Variants in DAB1 observed in about 807,000 individuals in gnomAD.
DAB1 encodes the protein DAB adaptor protein 1, also known as disabled homolog 1.
A neutral mutation model predicts 64.6 loss-of-function variants in DAB1; 15 were observed. That is an observed-to-expected ratio of 0.23 (90% confidence interval 0.16 to 0.36). DAB1 has a LOEUF of 0.36. Ranked by LOEUF, DAB1 falls within the 10% of genes least tolerant of loss-of-function variation. DAB1 has a pLI of 1.00. For missense variants in DAB1, 596 were observed against 706.7 expected (o/e 0.84, Z 1.78); for synonymous variants, 235 against 251.9 (o/e 0.93, Z 0.64).
intron 3 of DAB1, among the ~76,000 whole-genome samples, chr1:58,504,981 G>A (rs889052201): frequency 2.0e-5 from 3 of 151,442 alleles, no homozygotes; most frequent in South Asian, 2.1e-4. Flanking sequence ...TTGAGACAGA[G>A]TCTCACCCTG....
At chr1:57,302,912 C>T (rs940626474) in intron 1 of DAB1, among the ~76,000 whole-genome samples, 2 of 152,172 alleles carry the variant, frequency 1.3e-5, no homozygotes, top group Non-Finnish European at 2.9e-5. Flanking sequence ...CTCCCCCAAG[C>T]CTGAATTTGT....
chr1:57,407,005 G>C (rs1362920548), intron 1 of DAB1, among the ~76,000 whole-genome samples: 1 of 152,168 alleles, frequency 6.6e-6, no homozygotes, highest in South Asian at 2.1e-4. Context: ...GGAGTTTTCT[G>C]TAAGTTATGG....
intron 1 of DAB1, among the ~76,000 whole-genome samples, chr1:57,833,589 G>C (rs941785165): frequency 7.9e-5 from 12 of 152,160 alleles, no homozygotes; most frequent in Admixed American, 2.6e-4. Flanking sequence ...GCAAGATGTA[G>C]AGTTGAATAA....
chr1:58,490,421 T>A (rs912196826), intron 3 of DAB1, among the ~76,000 whole-genome samples: 1 of 152,170 alleles, frequency 6.6e-6, no homozygotes, highest in South Asian at 2.1e-4. Flanking sequence ...GAACAAAGCC[T>A]CCAAGAAATA....
rs150251489 is a variant in DAB1 at position 57,708,787 on chromosome 1, G to A, written n.552-59122C>T. Among the ~76,000 whole-genome samples, 413 of 152,174 alleles carry A rather than the reference G, an allele frequency of 2.7e-3. 2 individuals carry two copies. The highest frequency in any genetic ancestry group is 9.3e-3 in the African/African-American group (387 of 41,528). ...AGCACAGATTTTCTCTCCATGCTCT[G>A]CTGCTTGGGTTTGAGGGAGGGATGG... is the stretch of plus-strand genomic sequence containing the variant. On this transcript the variant is annotated intron_variant and non_coding_transcript_variant, in intron 6 of 20. Transcript: ENST00000485760.
Position 57,706,197 on chromosome 1 carries a change from T to A in DAB1, n.552-56532A>T, listed in dbSNP as rs548960733. On this transcript the variant is annotated intron_variant and non_coding_transcript_variant, in intron 6 of 20. Transcript: ENST00000485760. ...GGACTGAATAAATAAATCCATTTTT[T>A]AAAAAATCATGTTTGTTAATATTTA... Among the ~76,000 whole-genome samples the A allele has an allele frequency of 2.0e-4, 31 of 152,234 alleles. No homozygotes were observed. The South Asian group carries it at 2.9e-3, about 14-fold the overall frequency.
At chr1:57,415,179 G>C (rs1684395010) in intron 1 of DAB1, among the ~76,000 whole-genome samples, 1 of 151,584 alleles carries the variant, frequency 6.6e-6, no homozygotes, top group Non-Finnish European at 1.5e-5. Flanking sequence ...CTTAGAAATT[G>C]ACTCTAAGTT....
At chr1:58,208,350 A>T (rs998546506) in intron 4 of DAB1, among the ~76,000 whole-genome samples, 14 of 152,240 alleles carry the variant, frequency 9.2e-5, no homozygotes, top group African/African-American at 2.9e-4. Flanking sequence ...TTACATGGAC[A>T]AGTTCTTTAG....
intron 5 of DAB1, among the ~76,000 whole-genome samples, chr1:58,123,968 G>C (rs561374617): frequency 1.3e-5 from 2 of 152,116 alleles, no homozygotes; most frequent in South Asian, 4.2e-4. Flanking sequence ...AGAATTATAT[G>C]AATTGTAGAA....
intron 1 of DAB1, among the ~76,000 whole-genome samples, chr1:58,531,605 T>A (rs965741294): frequency 2.0e-5 from 3 of 152,186 alleles, no homozygotes; most frequent in Non-Finnish European, 2.9e-5. Flanking sequence ...TAGAATATTG[T>A]CCCTTAACAA....
chr1:58,281,980 A>G (rs1432927108), intron 4 of DAB1, among the ~76,000 whole-genome samples: 4 of 151,818 alleles, frequency 2.6e-5, no homozygotes, highest in African/African-American at 9.7e-5. Context: ...CCATCATCAC[A>G]TCTTCCTCCT....
chr1:57,841,585 A>G (rs1653050740), intron 1 of DAB1, among the ~76,000 whole-genome samples: 1 of 152,212 alleles, frequency 6.6e-6, no homozygotes, highest in Admixed American at 6.5e-5. Flanking sequence ...CTAACACCAC[A>G]TGGAAGCCAC....
intron 6 of DAB1, among the ~76,000 whole-genome samples, chr1:57,793,428 C>T (rs1650696984): frequency 6.6e-6 from 1 of 152,030 alleles, no homozygotes; most frequent in African/African-American, 2.4e-5. Flanking sequence ...CATGGAAGTA[C>T]CTAGAAAGTC....
At chr1:57,661,358 G>A (rs1283570013) in intron 6 of DAB1, among the ~76,000 whole-genome samples, 2 of 152,134 alleles carry the variant, frequency 1.3e-5, no homozygotes, top group South Asian at 2.1e-4. Flanking sequence ...CACCAGCCTC[G>A]GTGTCCTTAA....
chr1:58,357,140 T>A (rs1000423549), intron 3 of DAB1, among the ~76,000 whole-genome samples: 32 of 152,082 alleles, frequency 2.1e-4, no homozygotes, highest in Admixed American at 6.6e-5. Context: ...TTTAAAAAGA[T>A]TTCTTCAGCA....
intron 3 of DAB1, among the ~76,000 whole-genome samples, chr1:58,454,899 A>T (rs1017749036): frequency 1.3e-5 from 2 of 151,912 alleles, no homozygotes; most frequent in Non-Finnish European, 2.9e-5. Flanking sequence ...TTATCCTACC[A>T]CCCCAAGAGC....
chr1:57,783,722 T>C (rs551591330), intron 6 of DAB1, among the ~76,000 whole-genome samples: 2 of 152,328 alleles, frequency 1.3e-5, no homozygotes, highest in African/African-American at 4.8e-5. Flanking sequence ...ATACTTGCAA[T>C]ATTTCAAAGT....
chr1:58,268,044 C>T (rs990915274), intron 4 of DAB1, among the ~76,000 whole-genome samples: 1 of 151,340 alleles, frequency 6.6e-6, no homozygotes, highest in Admixed American at 6.6e-5. Flanking sequence ...CATGCTTGGG[C>T]TTTGCGATCA....
intron 3 of DAB1, among the ~76,000 whole-genome samples, chr1:58,363,209 C>G (rs1342097537): frequency 6.6e-6 from 1 of 152,094 alleles, no homozygotes; most frequent in South Asian, 2.1e-4. Flanking sequence ...CACAGTTTAA[C>G]CCATAACATA....
Sources: allele counts gnomAD v4.1 joint callset (sites outside exome capture counted in the v4.1 genomes callset), GRCh38; gene constraint gnomAD v4.1.1; transcripts MANE v1.5; gene names NCBI Gene and HGNC (gene_info 2026-07-23, HGNC 2026-07-21).